The following CAST variants were observed in gnomAD, a reference collection of about 807,000 sequenced individuals.
The protein encoded by CAST is MIR583 host.
Under a neutral mutation model 119.6 loss-of-function variants are expected in CAST, and 76 were observed. That is an observed-to-expected ratio of 0.64 (90% CI 0.53 to 0.77). The LOEUF (loss-of-function observed/expected upper bound fraction) is 0.77, where lower values mean the gene tolerates loss of function less well. CAST is among the 30% of genes least tolerant of loss of function. The pLI is 0.00. For synonymous variants in CAST, 319 were observed against 331.6 expected, an observed-to-expected ratio of 0.96 and a Z score of 0.41; for missense variants, 953 against 946.5, an observed-to-expected ratio of 1.01 and a Z score of -0.09.
At chr5:96,002,877 C>T in the CAST span, among the ~76,000 whole-genome samples, 1 of 152,178 alleles carries the variant, frequency 6.6e-6, no homozygotes, top group Non-Finnish European at 1.5e-5. Flanking sequence ...CTCATTTTCT[C>T]TCAGTCTTTC....
At chr5:96,506,776 C>A in the CAST span, among the ~76,000 whole-genome samples, 1 of 152,196 alleles carries the variant, frequency 6.6e-6, no homozygotes. Context: ...GCTAGGAATG[C>A]AGATACGTCT....
chr5:96,068,097 G>C, the CAST span, among the ~76,000 whole-genome samples: 1 of 152,084 alleles, frequency 6.6e-6, no homozygotes, highest in Non-Finnish European at 1.5e-5. Flanking sequence ...GAAGGACAGA[G>C]GGTCATGGCT....
the CAST span, among the ~76,000 whole-genome samples, chr5:96,507,990 CATTATTATTATTATT>C: frequency 0.29 from 41,934 of 142,184 alleles, 6,986 homozygotes; most frequent in Middle Eastern, 0.41. Flanking sequence ...ATATCCCTGA[CATTATTATTATTATT>C]ATTATTATTA....
the CAST span, among the ~76,000 whole-genome samples, chr5:96,127,870 TTA>T: frequency 2.0e-5 from 3 of 152,096 alleles, no homozygotes; most frequent in Admixed American, 2.0e-4. Flanking sequence ...TTATATGGTA[TTA>T]TGAATTATTG....
intron 1 of CAST, among the ~76,000 whole-genome samples, chr5:96,548,071 C>T (rs1013447205): frequency 9.9e-5 from 15 of 152,210 alleles, no homozygotes; most frequent in African/African-American, 3.1e-4. Flanking sequence ...GCCACAGTGG[C>T]ATTTTAGGTC....
the CAST span, among the ~76,000 whole-genome samples, chr5:96,323,246 G>T: frequency 6.6e-6 from 1 of 152,136 alleles, no homozygotes; most frequent in Non-Finnish European, 1.5e-5. Flanking sequence ...AACACATTTG[G>T]TGCCTTTTTT....
chr5:96,355,061 G>A, the CAST span, among the ~76,000 whole-genome samples: 61 of 152,050 alleles, frequency 4.0e-4, no homozygotes, highest in African/African-American at 1.3e-3. Context: ...TGTGCAGAAC[G>A]TGCAGGTTTT....
the CAST span, among the ~76,000 whole-genome samples, chr5:96,465,997 C>A: frequency 6.6e-6 from 1 of 152,080 alleles, no homozygotes; most frequent in Non-Finnish European, 1.5e-5. Context: ...TCCTTCTAGT[C>A]TTCATCCTTT....
chr5:96,235,879 C>G, the CAST span, among the ~76,000 whole-genome samples: 1 of 152,124 alleles, frequency 6.6e-6, no homozygotes, highest in African/African-American at 2.4e-5. Flanking sequence ...ACTTGGGTTC[C>G]CAGATCTGCC....
chr5:96,217,374 A>G, the CAST span, among the ~76,000 whole-genome samples: 1 of 151,520 alleles, frequency 6.6e-6, no homozygotes, highest in Non-Finnish European at 1.5e-5. Flanking sequence ...CAAGAACATT[A>G]TTAAGTTAAA....
At chr5:96,735,090 C>G (rs1295693815) in intron 9 of CAST, among the ~76,000 whole-genome samples, 1 of 152,112 alleles carries the variant, frequency 6.6e-6, no homozygotes, top group South Asian at 2.1e-4. Context: ...AGGCTCACAC[C>G]CTAGTGGCCC....
the CAST span, among the ~76,000 whole-genome samples, chr5:96,119,776 ATG>A: frequency 6.6e-6 from 1 of 152,172 alleles, no homozygotes; most frequent in African/African-American, 2.4e-5. Flanking sequence ...TGTAGTAGAT[ATG>A]TGTTATGTAT....
upstream of CAST, among the ~76,000 whole-genome samples, chr5:96,660,120 A>G (rs763770862): frequency 6.6e-6 from 1 of 152,188 alleles, no homozygotes; most frequent in Non-Finnish European, 1.5e-5. Context: ...GAATAGATTG[A>G]TTACTTACTC....
the CAST span, among the ~76,000 whole-genome samples, chr5:96,314,112 T>G: frequency 6.6e-6 from 1 of 152,210 alleles, no homozygotes; most frequent in East Asian, 1.9e-4. Flanking sequence ...CTAATGGAAT[T>G]GTTAGAAGAG....
At chr5:96,180,148 G>C in the CAST span, among the ~76,000 whole-genome samples, 6 of 152,322 alleles carry the variant, frequency 3.9e-5, no homozygotes, top group African/African-American at 1.4e-4. Flanking sequence ...GGTCAGAGAG[G>C]CTTCCTGAGG....
the CAST span, among the ~76,000 whole-genome samples, chr5:96,272,033 A>G: frequency 6.6e-6 from 1 of 152,202 alleles, no homozygotes; most frequent in African/African-American, 2.4e-5. Flanking sequence ...ACTAACCATC[A>G]GAGAAATGCA....
chr5:96,140,795 AC>A, the CAST span, among the ~76,000 whole-genome samples: 7 of 152,276 alleles, frequency 4.6e-5, no homozygotes, highest in Non-Finnish European at 8.8e-5. Flanking sequence ...GGCCTTTGTT[AC>A]CTGGTCTTTC....
the CAST span, among the ~76,000 whole-genome samples, chr5:96,355,362 T>C: frequency 1.3e-5 from 2 of 152,326 alleles, no homozygotes; most frequent in Admixed American, 6.5e-5. Context: ...GATGAACTCA[T>C]CCTTTTTTAT....
chr5:96,366,895 A>C, the CAST span, among the ~76,000 whole-genome samples: 13 of 152,170 alleles, frequency 8.5e-5, no homozygotes, highest in South Asian at 2.5e-3. Context: ...TTGGAGGGGG[A>C]GAGGCGCTCT....
Sources: allele counts gnomAD v4.1 joint callset (sites outside exome capture counted in the v4.1 genomes callset), GRCh38; gene constraint gnomAD v4.1.1; transcripts MANE v1.5; gene names NCBI Gene and HGNC (gene_info 2026-07-23, HGNC 2026-07-21).